Variants in CCDC7 observed in about 807,000 individuals in gnomAD.
The protein encoded by CCDC7 is coiled-coil domain containing 7, also known as coiled-coil domain-containing protein 7.
A neutral mutation model predicts 196.9 loss-of-function variants in CCDC7; 183 were observed. The ratio of observed to expected loss-of-function variants is 0.93; its 90% CI spans 0.82 to 1.05. The LOEUF (loss-of-function observed/expected upper bound fraction) is 1.05, where lower values mean the gene tolerates loss of function less well. Ranked by LOEUF, CCDC7 falls within the 50% of genes least tolerant of loss-of-function variation. CCDC7 has a pLI of 0.00. For synonymous variants in CCDC7, 525 were observed against 484.6 expected, an observed-to-expected ratio of 1.08 and a Z score of -1.10; for missense variants, 1,540 against 1,482.2, an observed-to-expected ratio of 1.04 and a Z score of -0.64.
intron 25 of CCDC7, among the ~76,000 whole-genome samples, chr10:32,718,771 C>T (rs1429580204): frequency 4.6e-5 from 7 of 152,072 alleles, no homozygotes. Context: ...CTCCCATTCA[C>T]AATTGCTACA....
At chr10:32,616,827 CTTTTT>C (rs1180922438) in intron 18 of CCDC7, among the ~76,000 whole-genome samples, 1 of 151,508 alleles carries the variant, frequency 6.6e-6, no homozygotes, top group Non-Finnish European at 1.5e-5. Flanking sequence ...TTGAAGTATG[CTTTTT>C]TTATGCCTAG....
intron 31 of CCDC7, among the ~76,000 whole-genome samples, chr10:32,823,797 A>T: frequency 6.6e-6 from 1 of 152,240 alleles, no homozygotes; most frequent in East Asian, 1.9e-4. Context: ...TATAAATCAC[A>T]TAAAACTCAA....
intron 23 of CCDC7, among the ~76,000 whole-genome samples, chr10:32,694,390 C>G (rs958306993): frequency 3.3e-5 from 5 of 152,144 alleles, no homozygotes; most frequent in African/African-American, 1.2e-4. Context: ...GTCAATTTGC[C>G]TACGGCAAAA....
chr10:32,578,407 T>C (rs2058432634), intron 16 of CCDC7, among the ~76,000 whole-genome samples: 1 of 151,674 alleles, frequency 6.6e-6, no homozygotes, highest in Non-Finnish European at 1.5e-5. Flanking sequence ...TATTTCATTA[T>C]AATATATAAT....
chr10:32,634,312 A>C, exon 19 of CCDC7: 1 of 1,218,404 alleles, frequency 8.2e-7, no homozygotes, highest in Non-Finnish European at 1.0e-6. Flanking sequence ...CAGTAACAAA[A>C]GTCCAAATAG....
rs529165848 is a variant in CCDC7, at chr10:32,674,526, T to C, written c.2122+10365T>C. Among the ~76,000 whole-genome samples the C allele has an allele frequency of 2.0e-4, 30 of 152,242 alleles. No homozygotes were observed. The Middle Eastern group carries it at 0.01, about 52-fold the overall frequency. On this transcript the variant is annotated intron_variant, in intron 21 of 41. Transcript: ENST00000639629. ...TAGCATGTGATTTATCCTGTAAATA[T>C]CTCAGTGTGTAGGAGAATTGTGTGT...
intron 11 of CCDC7, among the ~76,000 whole-genome samples, chr10:32,537,244 A>C (rs1250962529): frequency 6.6e-6 from 1 of 152,116 alleles, no homozygotes; most frequent in Non-Finnish European, 1.5e-5. Context: ...GCACTTCTCT[A>C]ATGATTACTG....
At chr10:32,575,665 A>G (rs1041223354) in intron 16 of CCDC7, among the ~76,000 whole-genome samples, 4 of 152,156 alleles carry the variant, frequency 2.6e-5, no homozygotes, top group East Asian at 3.9e-4. Flanking sequence ...TTGTATACCA[A>G]TGTAGCTGGT....
chr10:32,744,136 A>AC (rs1378870969), intron 28 of CCDC7, among the ~76,000 whole-genome samples: 1 of 138,356 alleles, frequency 7.2e-6, no homozygotes, highest in Non-Finnish European at 1.6e-5. Context: ...TTAAAGTATA[A>AC]TTTAAAAAAA....
At chr10:32,670,675 AATG>A (rs1415567925) in intron 21 of CCDC7, among the ~76,000 whole-genome samples, 5 of 151,840 alleles carry the variant, frequency 3.3e-5, no homozygotes, top group Non-Finnish European at 5.9e-5. Flanking sequence ...GTTTACTGAG[AATG>A]ATGATTTCCA....
intron 20 of CCDC7, among the ~76,000 whole-genome samples, chr10:32,646,640 A>C (rs1255264901): frequency 6.6e-6 from 1 of 152,186 alleles, no homozygotes; most frequent in Non-Finnish European, 1.5e-5. Flanking sequence ...GAATTGTTAC[A>C]TGGGAATGTT....
chr10:32,668,866 T>C (rs929832077), intron 21 of CCDC7, among the ~76,000 whole-genome samples: 1 of 152,150 alleles, frequency 6.6e-6, no homozygotes, highest in Non-Finnish European at 1.5e-5. Context: ...ACTTCCCCCA[T>C]CCAATTTGAA....
intron 22 of CCDC7, among the ~76,000 whole-genome samples, chr10:32,688,411 A>T (rs746733616): frequency 5.9e-5 from 9 of 152,138 alleles, no homozygotes; most frequent in Non-Finnish European, 1.3e-4. Flanking sequence ...GTAACAAACT[A>T]CTTTGTTTTC....
intron 28 of CCDC7, among the ~76,000 whole-genome samples, chr10:32,741,131 T>C (rs2085771490): frequency 6.6e-6 from 1 of 152,150 alleles, no homozygotes; most frequent in Admixed American, 6.6e-5. Context: ...TATTGACATT[T>C]ATTTTGAAAT....
intron 28 of CCDC7, among the ~76,000 whole-genome samples, chr10:32,761,077 T>C (rs985197916): frequency 6.6e-6 from 1 of 152,070 alleles, no homozygotes; most frequent in African/African-American, 2.4e-5. Context: ...AAAGTAACTA[T>C]TATGGCACTC....
At chr10:32,500,601 G>A (rs1482091386) in intron 9 of CCDC7, among the ~76,000 whole-genome samples, 12 of 151,694 alleles carry the variant, frequency 7.9e-5, no homozygotes, top group Middle Eastern at 3.4e-3. Context: ...CATCCCAGAC[G>A]ATGGGCGGCC....
At chr10:32,824,338 A>G in intron 31 of CCDC7, among the ~76,000 whole-genome samples, 180 bp from the exon 33 acceptor site, 1 of 152,166 alleles carries the variant, frequency 6.6e-6, no homozygotes, top group Non-Finnish European at 1.5e-5. Flanking sequence ...TGAGGCTTAT[A>G]TGATTGTTAA....
intron 5 of CCDC7, among the ~76,000 whole-genome samples, chr10:32,465,725 A>G (rs1011487144): frequency 1.3e-5 from 2 of 152,210 alleles, no homozygotes; most frequent in Non-Finnish European, 2.9e-5. Context: ...ATTTAGAAAC[A>G]TAAACCTCTT....
chr10:32,817,909 C>A (rs2089160032), intron 31 of CCDC7, among the ~76,000 whole-genome samples: 1 of 152,182 alleles, frequency 6.6e-6, no homozygotes, highest in South Asian at 2.1e-4. Context: ...ACTGTCAAGG[C>A]TAGGAAGAAA....
Sources: gnomAD v4.1 joint callset for allele counts (sites outside exome capture counted in the v4.1 genomes callset) on GRCh38, gnomAD v4.1.1 for gene constraint, MANE v1.5 for transcripts, NCBI Gene and HGNC (gene_info 2026-07-23, HGNC 2026-07-21) for gene names.